Variants in ESRP1 observed in about 807,000 individuals in gnomAD.
The protein encoded by ESRP1 is RNA-binding motif protein 35A.
A neutral mutation model predicts 81.7 loss-of-function variants in ESRP1; 33 were observed. That is an observed-to-expected ratio of 0.40 (90% CI 0.31 to 0.54). The LOEUF (loss-of-function observed/expected upper bound fraction) is 0.54, where lower values mean the gene tolerates loss of function less well. Among genes scored for constraint, ESRP1 ranks in the 20% least tolerant of loss-of-function variants. ESRP1 has a pLI of 0.41. For synonymous variants in ESRP1, 320 were observed against 303.3 expected, an observed-to-expected ratio of 1.06 and a Z score of -0.57; for missense variants, 672 against 833.1, an observed-to-expected ratio of 0.81 and a Z score of 2.38.
intron 9 of ESRP1, 98 bp from the exon 10 acceptor site, chr8:94,667,851 G>C (rs916305201): frequency 3.9e-6 from 4 of 1,019,328 alleles, no homozygotes; most frequent in Non-Finnish European, 5.7e-6. Flanking sequence ...TCTTCATTAT[G>C]AACTCAAGAC....
At chr8:94,648,409 A>C (rs1817946586) in intron 4 of ESRP1, among the ~76,000 whole-genome samples, 1 of 152,230 alleles carries the variant, frequency 6.6e-6, no homozygotes, top group African/African-American at 2.4e-5. Context: ...TATGACTACT[A>C]TTCAGAGGAA....
At chr8:94,678,838 T>C (rs55865498) in intron 13 of ESRP1, among the ~76,000 whole-genome samples, 70,600 of 152,106 alleles carry the variant, frequency 0.46, 19,451 homozygotes, top group South Asian at 0.68. Context: ...TATAAACCAA[T>C]CCAGAATTAG....
chr8:94,655,103 T>C (rs1452182878), intron 4 of ESRP1, among the ~76,000 whole-genome samples: 1 of 151,004 alleles, frequency 6.6e-6, no homozygotes. Context: ...TTTTGTTTTG[T>C]TTAGTTTTTT....
chr8:94,650,013 T>C (rs1485758660), intron 4 of ESRP1, among the ~76,000 whole-genome samples: 1 of 152,092 alleles, frequency 6.6e-6, no homozygotes, highest in African/African-American at 2.4e-5. Context: ...CCCTGCTCCT[T>C]CCCTTCCTCT....
At chr8:94,656,603 TTTCTC>T (rs1423920208) in intron 4 of ESRP1, among the ~76,000 whole-genome samples, 1 of 152,204 alleles carries the variant, frequency 6.6e-6, no homozygotes, top group Non-Finnish European at 1.5e-5. Flanking sequence ...CTAATAAACT[TTTCTC>T]TTTTTTTCTT....
chr8:94,642,212 G>A (rs1275447588), intron 2 of ESRP1, 128 bp downstream of exon 2: 1 of 1,206,524 alleles, frequency 8.3e-7, no homozygotes, highest in South Asian at 1.5e-5. Flanking sequence ...CCGCGTGGGT[G>A]GGAGCCCAGC....
At chr8:94,699,225 G>A (rs1259985001) in intron 15 of ESRP1, among the ~76,000 whole-genome samples, 1 of 152,112 alleles carries the variant, frequency 6.6e-6, no homozygotes, top group African/African-American at 2.4e-5. Context: ...TTTCTACCCT[G>A]TGTTTATATA....
intron 14 of ESRP1, among the ~76,000 whole-genome samples, chr8:94,695,945 C>G (rs1163806914): frequency 1.3e-5 from 2 of 152,118 alleles, no homozygotes; most frequent in Non-Finnish European, 2.9e-5. Context: ...TGCCTGTAGT[C>G]CCAGCTACTC....
chr8:94,694,344 C>A lies in ESRP1; in HGVS notation c.1971+1517C>A, dbSNP rs151210541. On this transcript the variant is annotated intron_variant, in intron 14 of 15. Coordinates refer to ENST00000433389, the MANE Select transcript of ESRP1 (RefSeq NM_017697.4). ...AGTGTTGGCCAGGCATGGTGGCTCA[C>A]GCCTGTAATCCCAGCACTTTGGGAG... 4.3e-3 allele frequency among the ~76,000 whole-genome samples: 661 copies of A among 152,224 alleles called. 5 individuals carry two copies. The highest frequency in any genetic ancestry group is 0.015 in the African/African-American group (623 of 41,546).
At chr8:94,674,222 T>G in intron 11 of ESRP1, 86 bp from the exon 12 acceptor site, 1 of 1,437,804 alleles carries the variant, frequency 7.0e-7, no homozygotes, top group South Asian at 1.2e-5. Context: ...TATGGGTGAT[T>G]GTCACTTTGC....
At chr8:94,653,949 G>A (rs757184492) in intron 4 of ESRP1, among the ~76,000 whole-genome samples, 2 of 152,238 alleles carry the variant, frequency 1.3e-5, no homozygotes, top group Admixed American at 1.3e-4. Context: ...TCTGCAGTGA[G>A]TGAAGTGACT....
chr8:94,652,801 C>T (rs1158983435), intron 4 of ESRP1, among the ~76,000 whole-genome samples: 2 of 152,198 alleles, frequency 1.3e-5, no homozygotes, highest in African/African-American at 2.4e-5. Context: ...CTTCTTACTA[C>T]ATATGCCATG....
In ESRP1 at chr8:94,643,394, T is replaced by C. The variant is rs768305646; in HGVS notation, c.353T>C (p.Leu118Pro). 1.2e-6 allele frequency: 2 copies of C among 1,613,392 alleles called. No homozygotes were observed. The highest frequency in any genetic ancestry group is 2.2e-5 in the South Asian group (2 of 91,066). The change falls in exon 3 of 16, where the codon CTG becomes CCG. Residue 118 changes from leucine to proline, a missense_variant. Physicochemically the swap from Leu to Pro is moderately conservative, Grantham distance 98. Coordinates refer to ENST00000433389, the MANE Select transcript of ESRP1 (RefSeq NM_017697.4). ...GGGCAGCTTCATGTCAGGCAAATCC[T>C]GCATCCTGAGGCTTCCAAGAAGGTA... Reference protein sequence around the residue: ...TDGQLHVRQILHPEASKKNVL... With the variant: ...TDGQLHVRQIPHPEASKKNVL...
At chr8:94,698,879 A>G (rs1293024660) in intron 15 of ESRP1, among the ~76,000 whole-genome samples, 1 of 152,012 alleles carries the variant, frequency 6.6e-6, no homozygotes, top group Non-Finnish European at 1.5e-5. Context: ...GGAAGTGAAG[A>G]TTTTTTTCAG....
At chr8:94,674,580 C>T in intron 12 of ESRP1, 74 bp downstream of exon 12, 1 of 1,384,424 alleles carries the variant, frequency 7.2e-7, no homozygotes, top group Non-Finnish European at 9.8e-7. Flanking sequence ...TCGTAACTTT[C>T]TGTGCCCCTG....
chr8:94,678,511 C>A (rs903468895), intron 13 of ESRP1, 140 bp downstream of exon 13: 43 of 976,704 alleles, frequency 4.4e-5, no homozygotes, highest in Non-Finnish European at 5.9e-5. Context: ...ATATCTCTGA[C>A]CAAGAAGGTT....
intron 3 of ESRP1, among the ~76,000 whole-genome samples, chr8:94,644,116 T>C (rs1283893724): frequency 6.6e-6 from 1 of 152,202 alleles, no homozygotes; most frequent in Non-Finnish European, 1.5e-5. Flanking sequence ...AGAAATACAG[T>C]CTTACTATAG....
intron 9 of ESRP1, 84 bp downstream of exon 9, chr8:94,665,280 A>G: frequency 7.6e-7 from 1 of 1,321,074 alleles, no homozygotes; most frequent in Admixed American, 2.0e-5. Flanking sequence ...GTAGGTGAAT[A>G]GGGTCATGAA....
chr8:94,685,791 A>G (rs1344732898), intron 13 of ESRP1, among the ~76,000 whole-genome samples: 1 of 152,100 alleles, frequency 6.6e-6, no homozygotes, highest in Non-Finnish European at 1.5e-5. Context: ...AGTCTCAAAA[A>G]AAAAAACCAA....
Sources: allele counts gnomAD v4.1 joint callset (sites outside exome capture counted in the v4.1 genomes callset), GRCh38; gene constraint gnomAD v4.1.1; transcripts MANE v1.5; gene names NCBI Gene and HGNC (gene_info 2026-07-23, HGNC 2026-07-21).